Variants in DCLK1 observed in about 807,000 individuals in gnomAD.
DCLK1 encodes the protein doublecortin like kinase 1, also known as serine/threonine-protein kinase DCLK1.
Under a neutral mutation model 86.2 loss-of-function variants are expected in DCLK1, and 16 were observed. The observed-to-expected ratio is 0.19, with a 90% CI of 0.13 to 0.28. DCLK1 has a LOEUF of 0.28. DCLK1 is among the 10% of genes least tolerant of loss of function. The probability of loss-of-function intolerance (pLI) is 1.00; values close to 1 mark genes in which losing one functional copy is unlikely to be tolerated. For missense variants in DCLK1, 590 were observed against 940.2 expected, an observed-to-expected ratio of 0.63 and a Z score of 4.87; for synonymous variants, 369 against 370.5, an observed-to-expected ratio of 1.00 and a Z score of 0.05.
In DCLK1 at chr13:35,845,435, A is replaced by G. The variant is rs1870107408; in HGVS notation, c.1036-6259T>C. Among the ~76,000 whole-genome samples, 3 of 152,214 alleles carry G rather than the reference A, an allele frequency of 2.0e-5. No homozygotes were observed. In the South Asian group the frequency reaches 6.2e-4, roughly 32 times the overall value. ...TATATATTTATCCAGTGATTTTAAA[A>G]GAAATAGCTTGTATAAATACACACA... On this transcript the variant is annotated intron_variant, in intron 6 of 16. Coordinates refer to ENST00000360631, the MANE Select transcript of DCLK1 (RefSeq NM_001330071.2).
At chr13:36,117,379 G>A (rs1247075726) in intron 2 of DCLK1, among the ~76,000 whole-genome samples, 4 of 152,120 alleles carry the variant, frequency 2.6e-5, no homozygotes, top group African/African-American at 9.7e-5. Flanking sequence ...GCAGATTTAA[G>A]ATGTACTCTT....
Position 35,828,993 on chromosome 13 carries a change from T to TA in DCLK1, c.1230-687dup, listed in dbSNP as rs559713863. Reference sequence around the variant, plus strand: ...TATGGTCAAGGTGTAAAGAAAGGGATAAAATCTATTTCAGAGCTCCCTGGG... The same window carrying TA: ...TATGGTCAAGGTGTAAAGAAAGGGATAAAAATCTATTTCAGAGCTCCCTGGG... On this transcript the variant is annotated intron_variant, in intron 8 of 16. Coordinates refer to ENST00000360631, the MANE Select transcript of DCLK1 (RefSeq NM_001330071.2). 2.6e-4 allele frequency among the ~76,000 whole-genome samples: 39 copies of TA among 152,278 alleles called. No individual in the cohort carries two copies. The South Asian group carries it at 8.1e-3, about 32-fold the overall frequency.
intron 5 of DCLK1, 130 bp from the exon 6 acceptor site, chr13:35,854,723 T>A: frequency 1.5e-6 from 1 of 647,246 alleles, no homozygotes; most frequent in East Asian, 3.4e-5. Context: ...CCCTTCCATA[T>A]GTACACTGAG....
In DCLK1 at chr13:36,022,516, GA is replaced by G. The variant is rs531419484; in HGVS notation, c.724-75060del. Among the ~76,000 whole-genome samples the G allele has an allele frequency of 8.7e-5, 13 of 149,760 alleles. No individual in the cohort carries two copies. The South Asian group carries it at 1.7e-3, about 19-fold the overall frequency. On this transcript the variant is annotated intron_variant, in intron 3 of 16. Transcript: ENST00000360631. ...AACAAAATTAACAAACCTTTAGCTA[GA>G]AAAAAAAACTTATTGAGAAAAAAAG...
At chr13:36,087,823 G>A (rs1225290360) in intron 3 of DCLK1, among the ~76,000 whole-genome samples, 1 of 152,134 alleles carries the variant, frequency 6.6e-6, no homozygotes, top group Non-Finnish European at 1.5e-5. Flanking sequence ...CCAAGCCAAG[G>A]ATAAGACTAA....
chr13:36,026,409 A>G (rs1882036014), intron 3 of DCLK1, among the ~76,000 whole-genome samples: 1 of 152,236 alleles, frequency 6.6e-6, no homozygotes, highest in Non-Finnish European at 1.5e-5. Context: ...GAGACAAATA[A>G]GATTTCACTA....
At chr13:35,891,865 T>C (rs1028559966) in intron 4 of DCLK1, among the ~76,000 whole-genome samples, 7 of 152,184 alleles carry the variant, frequency 4.6e-5, no homozygotes, top group African/African-American at 1.7e-4. Context: ...ATTCTTTCAC[T>C]CTCTCCTTTA....
At chr13:35,778,147 AGAG>A (rs2086458756) in intron 16 of DCLK1, among the ~76,000 whole-genome samples, 1 of 152,210 alleles carries the variant, frequency 6.6e-6, no homozygotes, top group African/African-American at 2.4e-5. Context: ...AAAGTACAAT[AGAG>A]GTGATCTGCT....
chr13:35,807,109 A>C (rs1211926552), intron 14 of DCLK1, among the ~76,000 whole-genome samples: 1 of 152,222 alleles, frequency 6.6e-6, no homozygotes, highest in Non-Finnish European at 1.5e-5. Context: ...CGGAGACATA[A>C]ATTTTAAAAA....
chr13:35,930,242 G>T (rs962790159), intron 4 of DCLK1, among the ~76,000 whole-genome samples: 5 of 152,180 alleles, frequency 3.3e-5, no homozygotes, highest in African/African-American at 1.2e-4. Flanking sequence ...CATGCAGTAG[G>T]CTCTTAACTA....
At chr13:36,052,013 C>A (rs910431435) in intron 3 of DCLK1, among the ~76,000 whole-genome samples, 1 of 152,168 alleles carries the variant, frequency 6.6e-6, no homozygotes, top group East Asian at 1.9e-4. Flanking sequence ...TCACAGGAAG[C>A]CTGAGCCCCC....
At chr13:35,810,740 T>A in intron 12 of DCLK1, 95 bp downstream of exon 12, 1 of 1,420,124 alleles carries the variant, frequency 7.0e-7, no homozygotes, top group African/African-American at 1.5e-5. Context: ...TAGCTAATTA[T>A]GTCTGGATAG....
At chr13:35,865,870 G>A (rs1566575767) in intron 5 of DCLK1, among the ~76,000 whole-genome samples, 1 of 152,266 alleles carries the variant, frequency 6.6e-6, no homozygotes, top group South Asian at 2.1e-4. Flanking sequence ...GGAAGTTGGG[G>A]TAAATCATTC....
At chr13:35,865,231 G>A (rs1442387664) in intron 5 of DCLK1, among the ~76,000 whole-genome samples, 1 of 152,058 alleles carries the variant, frequency 6.6e-6, no homozygotes, top group Non-Finnish European at 1.5e-5. Context: ...GGGTGACAGA[G>A]TGAGACCCTG....
intron 4 of DCLK1, among the ~76,000 whole-genome samples, chr13:35,895,083 A>G (rs1750908): frequency 1 from 151,553 of 152,262 alleles, 75,428 homozygotes; most frequent in Middle Eastern, 1. Flanking sequence ...TGTGACTATA[A>G]GTGTGCAGCA....
chr13:35,777,694 C>G (rs1478618940), intron 16 of DCLK1, among the ~76,000 whole-genome samples: 1 of 152,196 alleles, frequency 6.6e-6, no homozygotes, highest in African/African-American at 2.4e-5. Flanking sequence ...AGACCTGAGT[C>G]TGATGACAGA....
chr13:35,889,479 T>C (rs1043843703), intron 4 of DCLK1, among the ~76,000 whole-genome samples: 1 of 152,134 alleles, frequency 6.6e-6, no homozygotes, highest in Non-Finnish European at 1.5e-5. Flanking sequence ...CTTTTTAAAG[T>C]GTAGGACCCA....
Position 35,774,616 on chromosome 13 carries a change from A to G in DCLK1, c.2142T>C (p.Ala714=). ...CCGATTCCGAGTTGAGTTCGGGAGG[A>G]GCTGGCTGCGCCTTGTACCGGCTCC... The part of the protein sequence containing the change: ...DVRSRYKAQP[A]PPELNSESED... The change falls in exon 17 of 17, where the codon GCT becomes GCC. Residue 714 remains alanine (A), a synonymous_variant. Coordinates refer to ENST00000360631, the MANE Select transcript of DCLK1 (RefSeq NM_001330071.2). 1 of 1,601,126 alleles carries G rather than the reference A, an allele frequency of 6.2e-7. No individual in the cohort carries two copies. Among genetic ancestry groups the G allele is most frequent in the Middle Eastern group, 1.7e-4 (1 of 6,048 alleles).
chr13:35,862,307 A>T (rs918267648), intron 5 of DCLK1, among the ~76,000 whole-genome samples: 1 of 152,182 alleles, frequency 6.6e-6, no homozygotes, highest in Non-Finnish European at 1.5e-5. Flanking sequence ...ACCTCTCCTC[A>T]TCCAACAAAC....
Sources: gnomAD v4.1 joint callset for allele counts (sites outside exome capture counted in the v4.1 genomes callset) on GRCh38, gnomAD v4.1.1 for gene constraint, MANE v1.5 for transcripts, NCBI Gene and HGNC (gene_info 2026-07-23, HGNC 2026-07-21) for gene names.